Variants in STARD13 observed in about 807,000 individuals in gnomAD.
STARD13 encodes the protein StAR related lipid transfer domain containing 13.
In STARD13, 62 loss-of-function variants were observed where a neutral mutation model predicts 106.4. The ratio of observed to expected loss-of-function variants is 0.58; its 90% confidence interval spans 0.48 to 0.72. The LOEUF is 0.72. Ranked by LOEUF, STARD13 falls within the 30% of genes least tolerant of loss-of-function variation. The probability of loss-of-function intolerance (pLI) is 0.00; values close to 1 mark genes in which losing one functional copy is unlikely to be tolerated. For synonymous variants in STARD13, 565 were observed against 553.0 expected, an observed-to-expected ratio of 1.02 and a Z score of -0.31; for missense variants, 1,387 against 1,424.0, an observed-to-expected ratio of 0.97 and a Z score of 0.42.
At chr13:33,652,299 G>A in the STARD13 span, among the ~76,000 whole-genome samples, 1 of 152,108 alleles carries the variant, frequency 6.6e-6, no homozygotes, top group Admixed American at 6.5e-5. Context: ...ATGAGAGGCA[G>A]GAATTTTGAT....
At chr13:33,475,231 G>T in the STARD13 span, among the ~76,000 whole-genome samples, 1 of 152,046 alleles carries the variant, frequency 6.6e-6, no homozygotes, top group African/African-American at 2.4e-5. Flanking sequence ...GCTTCCCAAA[G>T]AATATCAGTT....
chr13:33,671,237 T>C, the STARD13 span, among the ~76,000 whole-genome samples: 1 of 152,256 alleles, frequency 6.6e-6, no homozygotes, highest in Non-Finnish European at 1.5e-5. Context: ...ATAATGCAAA[T>C]GTCCAACAGT....
intron 1 of STARD13, among the ~76,000 whole-genome samples, chr13:33,221,361 T>A (rs762437468): frequency 3.3e-5 from 5 of 152,226 alleles, no homozygotes; most frequent in Non-Finnish European, 7.3e-5. Context: ...TCACTTAGTA[T>A]AATGTCCTCA....
chr13:33,104,862 A>AGCTTTAAATTG lies in STARD13; in HGVS notation c.*730_*731insCAATTTAAAGC. On this transcript the variant is annotated 3_prime_UTR_variant, in exon 14 of 14. Transcript: ENST00000336934. ...TGGGCCCAGTGGCAACTCCTCATCTAGCTTTAAATTTGGTAATGACTTCTC... is the reference window on the plus strand; with the variant it reads ...TGGGCCCAGTGGCAACTCCTCATCTAGCTTTAAATTGGCTTTAAATTTGGTAATGACTTCTC... 6.5e-6 allele frequency: 1 copy of AGCTTTAAATTG among 153,604 alleles called. No individual in the cohort carries two copies. The highest frequency in any genetic ancestry group is 2.1e-4 in the South Asian group (1 of 4,826). The allele number at this position is 153,604 out of a possible 1,614,324, so 9.5% of individuals were successfully genotyped here.
the STARD13 span, among the ~76,000 whole-genome samples, chr13:33,439,931 T>G: frequency 6.6e-6 from 1 of 152,196 alleles, no homozygotes; most frequent in Non-Finnish European, 1.5e-5. Flanking sequence ...AAAATACTCA[T>G]TCATGGGGAA....
At chr13:33,248,026 T>A (rs1365099744) in intron 1 of STARD13, among the ~76,000 whole-genome samples, 2 of 152,242 alleles carry the variant, frequency 1.3e-5, no homozygotes, top group Non-Finnish European at 2.9e-5. Context: ...AAAATATTAA[T>A]TTTGAATAAA....
At chr13:33,666,303 GT>G in the STARD13 span, among the ~76,000 whole-genome samples, 2 of 151,676 alleles carry the variant, frequency 1.3e-5, no homozygotes, top group African/African-American at 4.8e-5. Context: ...GTTGTTTTTG[GT>G]TTTTTTTGAG....
At chr13:33,408,540 T>C in the STARD13 span, among the ~76,000 whole-genome samples, 7 of 152,208 alleles carry the variant, frequency 4.6e-5, no homozygotes, top group Non-Finnish European at 8.8e-5. Context: ...ACATTTTCCT[T>C]ATTCATTTGT....
the STARD13 span, among the ~76,000 whole-genome samples, chr13:33,372,238 G>A: frequency 5.3e-5 from 8 of 152,122 alleles, no homozygotes; most frequent in African/African-American, 1.9e-4. Context: ...CGAGTAAATA[G>A]GGAGTCATAA....
the STARD13 span, among the ~76,000 whole-genome samples, chr13:33,438,874 G>A: frequency 6.6e-6 from 1 of 152,166 alleles, no homozygotes; most frequent in Non-Finnish European, 1.5e-5. Context: ...GATAAGGGTA[G>A]CATCAGACTA....
chr13:33,345,326 A>G (rs2078006392), downstream of STARD13, among the ~76,000 whole-genome samples: 1 of 152,210 alleles, frequency 6.6e-6, no homozygotes, highest in South Asian at 2.1e-4. Context: ...AAGAAAGAGT[A>G]CTTTTCCAGT....
At chr13:33,398,199 C>T in the STARD13 span, among the ~76,000 whole-genome samples, 1 of 152,190 alleles carries the variant, frequency 6.6e-6, no homozygotes, top group Admixed American at 6.5e-5. Flanking sequence ...GAGGCTATTC[C>T]TCACAAGTCT....
intron 1 of STARD13, among the ~76,000 whole-genome samples, chr13:33,263,670 T>C (rs563268390): frequency 5.6e-4 from 85 of 152,226 alleles, no homozygotes; most frequent in South Asian, 1.5e-3. Flanking sequence ...ATTGGTGCAA[T>C]GCAGCTGGCA....
At chr13:33,134,860 C>A (rs1878839049) in intron 4 of STARD13, among the ~76,000 whole-genome samples, 1 of 152,178 alleles carries the variant, frequency 6.6e-6, no homozygotes, top group South Asian at 2.1e-4. Context: ...ATAAAACGAA[C>A]ATAGTTCAAC....
At chr13:33,206,085 G>GA (rs912238142) in intron 1 of STARD13, 61 of 838,478 alleles carry the variant, frequency 7.3e-5, no homozygotes, top group Admixed American at 1.2e-4. Context: ...AGCTCTAAGA[G>GA]AAAAAAACGA....
At chr13:33,626,051 C>T in the STARD13 span, among the ~76,000 whole-genome samples, 1 of 152,110 alleles carries the variant, frequency 6.6e-6, no homozygotes, top group Non-Finnish European at 1.5e-5. Flanking sequence ...TTTTATTCTG[C>T]CTCTCATGAA....
At chr13:33,584,624 C>G in the STARD13 span, among the ~76,000 whole-genome samples, 1 of 152,128 alleles carries the variant, frequency 6.6e-6, no homozygotes, top group South Asian at 2.1e-4. Context: ...AAATGTCGAG[C>G]ATGTCTTTCT....
chr13:33,239,680 T>C (rs868825616), intron 1 of STARD13, among the ~76,000 whole-genome samples: 5 of 152,336 alleles, frequency 3.3e-5, no homozygotes, highest in African/African-American at 1.2e-4. Flanking sequence ...TGGCCATTTG[T>C]ATATCTTCTT....
At chr13:33,110,147 T>C (rs1398650997) in intron 11 of STARD13, 57 bp from the exon 12 acceptor site, 12 of 1,530,964 alleles carry the variant, frequency 7.8e-6, no homozygotes, top group Non-Finnish European at 9.8e-6. Context: ...GGTCCAACAT[T>C]TTTTGTTTGG....
Sources: allele counts gnomAD v4.1 joint callset (sites outside exome capture counted in the v4.1 genomes callset), GRCh38; gene constraint gnomAD v4.1.1; transcripts MANE v1.5; gene names NCBI Gene and HGNC (gene_info 2026-07-23, HGNC 2026-07-21).